The following GPR176 variants were observed in gnomAD, a reference collection of about 807,000 sequenced individuals.
GPR176 encodes the protein G-protein coupled receptor 176.
Under a neutral mutation model 35.4 loss-of-function variants are expected in GPR176, and 26 were observed. The observed-to-expected ratio is 0.74, with a 90% CI of 0.54 to 1.02. The LOEUF (loss-of-function observed/expected upper bound fraction) is 1.02, where lower values mean the gene tolerates loss of function less well. Ranked by LOEUF, GPR176 falls within the 50% of genes least tolerant of loss-of-function variation. The pLI is 0.00. For missense variants in GPR176, 597 were observed against 665.3 expected (o/e 0.90, Z 1.13); for synonymous variants, 278 against 271.3 (o/e 1.02, Z -0.24).
intron 1 of GPR176, among the ~76,000 whole-genome samples, chr15:39,811,860 G>A (rs992147308): frequency 2.0e-5 from 3 of 151,452 alleles, no homozygotes; most frequent in Admixed American, 1.3e-4. Flanking sequence ...AGCTTGCAGT[G>A]AGCCGAGATT....
chr15:39,895,289 A>AGGGGGAGACCGTGGGGAGAGGAAGAGGG (rs144343033), intron 1 of GPR176, among the ~76,000 whole-genome samples: 1 of 87,292 alleles, frequency 1.1e-5, no homozygotes, highest in Admixed American at 1.2e-4. Flanking sequence ...TGGGGAGAGG[A>AGGGGGAGACCGTGGGGAGAGGAAGAGGG]AGAGGGGGAG....
In GPR176 at chr15:39,811,742, C is replaced by T. The variant is rs190171553; in HGVS notation, c.173-4484G>A. ...CCATCCTGGCGAACATGGTGAAACC[C>T]CGTCTCTACTAAAAATACAAAAAAT... On this transcript the variant is annotated intron_variant, in intron 1 of 2. Transcript: ENST00000561100. Among the ~76,000 whole-genome samples, 450 of 152,132 alleles carry T rather than the reference C, an allele frequency of 3.0e-3. 1 individual carries two copies. Among genetic ancestry groups the T allele is most frequent in the Non-Finnish European group, 3.8e-3 (255 of 67,992 alleles).
At chr15:39,835,271 G>A (rs1390262250) in intron 1 of GPR176, among the ~76,000 whole-genome samples, 8 of 151,810 alleles carry the variant, frequency 5.3e-5, no homozygotes, top group South Asian at 2.1e-4. Context: ...CCACCGGCTC[G>A]GCCTCCCAAG....
intron 1 of GPR176, among the ~76,000 whole-genome samples, chr15:39,840,400 C>A (rs186776683): frequency 3.9e-5 from 6 of 152,256 alleles, no homozygotes; most frequent in African/African-American, 1.4e-4. Flanking sequence ...CCAAACACCG[C>A]ATGTTCTCAC....
At chr15:39,840,919 G>A (rs575155860) in intron 1 of GPR176, among the ~76,000 whole-genome samples, 12 of 152,206 alleles carry the variant, frequency 7.9e-5, no homozygotes, top group Middle Eastern at 3.4e-3. Context: ...GGTATTACTA[G>A]TTGCCCCCTG....
At chr15:39,842,493 C>G (rs900579345) in intron 1 of GPR176, among the ~76,000 whole-genome samples, 1 of 152,016 alleles carries the variant, frequency 6.6e-6, no homozygotes, top group Non-Finnish European at 1.5e-5. Context: ...AACACAGAAC[C>G]CAGTGTGAAG....
chr15:39,898,668 T>G (rs1031712476), intron 1 of GPR176, among the ~76,000 whole-genome samples: 1 of 152,138 alleles, frequency 6.6e-6, no homozygotes, highest in Non-Finnish European at 1.5e-5. Flanking sequence ...ACAGGAGCCA[T>G]GTAGGGGATG....
chr15:39,919,294 T>A (rs113103637), intron 1 of GPR176, among the ~76,000 whole-genome samples: 3 of 152,270 alleles, frequency 2.0e-5, no homozygotes, highest in African/African-American at 7.2e-5. Context: ...TTGTTTTTTT[T>A]AAATAATCGA....
At chr15:39,876,526 A>G (rs184237730) in intron 1 of GPR176, among the ~76,000 whole-genome samples, 1 of 152,074 alleles carries the variant, frequency 6.6e-6, no homozygotes, top group East Asian at 1.9e-4. Context: ...TATAATGTTA[A>G]TGATGTTGAT....
intron 1 of GPR176, among the ~76,000 whole-genome samples, chr15:39,837,651 T>C (rs994383619): frequency 1.3e-5 from 2 of 152,102 alleles, no homozygotes; most frequent in Non-Finnish European, 2.9e-5. Flanking sequence ...GCAGCTAACA[T>C]TTATTGCGCA....
At chr15:39,883,810 T>C (rs1461550626) in intron 1 of GPR176, among the ~76,000 whole-genome samples, 1 of 152,238 alleles carries the variant, frequency 6.6e-6, no homozygotes, top group African/African-American at 2.4e-5. Flanking sequence ...TCTATTGTTT[T>C]CTATTTTTCT....
In GPR176 at chr15:39,824,074, T is replaced by G. The variant is rs1285293344; in HGVS notation, c.173-16816A>C. Among the ~76,000 whole-genome samples the G allele has an allele frequency of 2.0e-5, 3 of 151,698 alleles. No homozygotes were observed. The South Asian group carries it at 6.2e-4, about 31-fold the overall frequency. ...GCCATCCCCATGGTAATGAATGAGTTCTCACTCTGGTGGTTCACACAAGAA... is the reference window on the plus strand; with the variant it reads ...GCCATCCCCATGGTAATGAATGAGTGCTCACTCTGGTGGTTCACACAAGAA... On this transcript the variant is annotated intron_variant, in intron 1 of 2. Coordinates refer to ENST00000561100, the MANE Select transcript of GPR176 (RefSeq NM_007223.3).
intron 1 of GPR176, among the ~76,000 whole-genome samples, chr15:39,876,923 A>G (rs988580704): frequency 6.6e-6 from 1 of 152,150 alleles, no homozygotes; most frequent in African/African-American, 2.4e-5. Context: ...GGTGATCTAC[A>G]TTATCTTCTG....
intron 1 of GPR176, among the ~76,000 whole-genome samples, chr15:39,867,662 A>C (rs2031884135): frequency 6.6e-6 from 1 of 152,180 alleles, no homozygotes; most frequent in African/African-American, 2.4e-5. Context: ...ACAGAAATCT[A>C]GTTAGCACCT....
At chr15:39,870,366 G>A (rs1362134167) in intron 1 of GPR176, among the ~76,000 whole-genome samples, 1 of 152,116 alleles carries the variant, frequency 6.6e-6, no homozygotes, top group Non-Finnish European at 1.5e-5. Context: ...CTACTACAGG[G>A]GGGCTATAGC....
At chr15:39,875,678 G>A (rs1409732726) in intron 1 of GPR176, among the ~76,000 whole-genome samples, 1 of 152,130 alleles carries the variant, frequency 6.6e-6, no homozygotes, top group Admixed American at 6.5e-5. Context: ...GTAGGAAATG[G>A]GGTTTTAGTG....
chr15:39,891,215 A>G (rs1027651350), intron 1 of GPR176, among the ~76,000 whole-genome samples: 1 of 152,234 alleles, frequency 6.6e-6, no homozygotes, highest in African/African-American at 2.4e-5. Context: ...CCTGGCACAT[A>G]ATAAATGCCA....
chr15:39,832,858 A>G (rs940452346), intron 1 of GPR176, among the ~76,000 whole-genome samples: 2 of 152,146 alleles, frequency 1.3e-5, no homozygotes, highest in Admixed American at 1.3e-4. Context: ...ATGGCTGGTC[A>G]AGTATTAATC....
chr15:39,827,626 T>A (rs1372857853), intron 1 of GPR176, among the ~76,000 whole-genome samples: 1 of 152,180 alleles, frequency 6.6e-6, no homozygotes, highest in African/African-American at 2.4e-5. Flanking sequence ...AGCTTAGAAT[T>A]TTATTTTTAT....
Sources: allele counts gnomAD v4.1 joint callset (sites outside exome capture counted in the v4.1 genomes callset), GRCh38; gene constraint gnomAD v4.1.1; transcripts MANE v1.5; gene names NCBI Gene and HGNC (gene_info 2026-07-23, HGNC 2026-07-21).